AKAP19: variants seen among roughly 807,000 people sequenced by gnomAD.
The protein encoded by AKAP19 is A-kinase anchoring protein 19, also known as small A-kinase anchoring protein.
At chr2:190,106,177 T>C in the AKAP19 span, among the ~76,000 whole-genome samples, 4 of 152,354 alleles carry the variant, frequency 2.6e-5, no homozygotes, top group African/African-American at 9.6e-5. Flanking sequence ...TACATCAACA[T>C]AGGATTTAAC....
At chr2:190,175,858 A>G in the AKAP19 span, among the ~76,000 whole-genome samples, 1 of 152,228 alleles carries the variant, frequency 6.6e-6, no homozygotes, top group African/African-American at 2.4e-5. Context: ...CCGATGTGAT[A>G]GGATTAAGAG....
the AKAP19 span, among the ~76,000 whole-genome samples, chr2:189,911,124 G>C: frequency 6.6e-6 from 1 of 152,030 alleles, no homozygotes; most frequent in Non-Finnish European, 1.5e-5. Flanking sequence ...AGACTACTTA[G>C]GCTTACTACT....
At chr2:189,964,596 T>C in the AKAP19 span, among the ~76,000 whole-genome samples, 10 of 152,236 alleles carry the variant, frequency 6.6e-5, no homozygotes, top group Admixed American at 1.3e-4. Context: ...TCAATGATCT[T>C]AGCTAGATCT....
the AKAP19 span, among the ~76,000 whole-genome samples, chr2:189,992,977 C>A: frequency 6.6e-6 from 1 of 152,176 alleles, no homozygotes; most frequent in African/African-American, 2.4e-5. Flanking sequence ...GACAGTTTGA[C>A]TTCTTCTTTA....
At chr2:190,164,316 C>G in the AKAP19 span, among the ~76,000 whole-genome samples, 1 of 152,186 alleles carries the variant, frequency 6.6e-6, no homozygotes, top group Admixed American at 6.5e-5. Flanking sequence ...GGGCGGATCA[C>G]TTGAGCTCAG....
At chr2:189,954,300 G>C in the AKAP19 span, among the ~76,000 whole-genome samples, 2 of 152,272 alleles carry the variant, frequency 1.3e-5, no homozygotes, top group African/African-American at 4.8e-5. Context: ...TGATAAATTT[G>C]CATATGTACA....
At chr2:190,015,569 A>G in the AKAP19 span, among the ~76,000 whole-genome samples, 2 of 152,202 alleles carry the variant, frequency 1.3e-5, no homozygotes, top group Non-Finnish European at 1.5e-5. Context: ...CATTTTCTCC[A>G]TCATCTTGGC....
chr2:189,886,496 C>G, the AKAP19 span, among the ~76,000 whole-genome samples: 5 of 152,216 alleles, frequency 3.3e-5, no homozygotes, highest in Non-Finnish European at 5.9e-5. Flanking sequence ...AGACACAGAG[C>G]AATTCAAAAT....
the AKAP19 span, among the ~76,000 whole-genome samples, chr2:189,944,310 C>G: frequency 6.6e-6 from 1 of 152,054 alleles, no homozygotes; most frequent in African/African-American, 2.4e-5. Context: ...TGTTCCTGCT[C>G]CTACTCTCTC....
the AKAP19 span, among the ~76,000 whole-genome samples, chr2:190,144,168 T>C: frequency 1.1e-4 from 10 of 91,132 alleles, no homozygotes; most frequent in South Asian, 2.0e-3. Flanking sequence ...ACTTAAAGTA[T>C]AATAAAAGAA....
chr2:190,079,204 C>A, the AKAP19 span: 1 of 152,160 alleles, frequency 6.6e-6, no homozygotes, highest in African/African-American at 2.4e-5. Context: ...CCCTCCCCAC[C>A]CAATCTTCTC....
chr2:190,142,633 A>G, the AKAP19 span, among the ~76,000 whole-genome samples: 1 of 152,170 alleles, frequency 6.6e-6, no homozygotes, highest in African/African-American at 2.4e-5. Flanking sequence ...AGTGGTAAGA[A>G]ATGAGGATGA....
the AKAP19 span, among the ~76,000 whole-genome samples, chr2:190,174,205 G>A: frequency 2.0e-5 from 3 of 152,246 alleles, no homozygotes; most frequent in South Asian, 2.1e-4. Flanking sequence ...GTGTGCTCTC[G>A]CCATTGCTCC....
the AKAP19 span, among the ~76,000 whole-genome samples, chr2:190,096,676 A>G: frequency 6.6e-6 from 1 of 152,178 alleles, no homozygotes; most frequent in Non-Finnish European, 1.5e-5. Flanking sequence ...GTATGCTACT[A>G]TTACAAAATA....
chr2:189,929,055 GA>G, the AKAP19 span, among the ~76,000 whole-genome samples: 7 of 152,138 alleles, frequency 4.6e-5, no homozygotes, highest in Non-Finnish European at 8.8e-5. Context: ...AAAAAATGGA[GA>G]AATTCCTTCT....
At chr2:190,146,735 C>T in the AKAP19 span, among the ~76,000 whole-genome samples, 1 of 152,178 alleles carries the variant, frequency 6.6e-6, no homozygotes, top group South Asian at 2.1e-4. Flanking sequence ...TTTTGATTTG[C>T]ATTTCCCTGA....
chr2:190,070,446 TAA>T, the AKAP19 span, among the ~76,000 whole-genome samples: 3,700 of 142,530 alleles, frequency 0.026, 156 homozygotes, highest in East Asian at 0.18. Context: ...ACTTATAGTT[TAA>T]AAAAAAAAAA....
chr2:189,940,622 TGAG>T, the AKAP19 span, among the ~76,000 whole-genome samples: 2,195 of 151,804 alleles, frequency 0.014, 53 homozygotes, highest in African/African-American at 0.05. Context: ...TTCCAAAACT[TGAG>T]GAGATAAATA....
chr2:189,936,259 T>TACACAC, the AKAP19 span, among the ~76,000 whole-genome samples: 340 of 149,032 alleles, frequency 2.3e-3, 4 homozygotes, highest in African/African-American at 5.9e-3. Flanking sequence ...GACTTGTTGA[T>TACACAC]ACACACACAC....
Sources: gnomAD v4.1 joint callset for allele counts (sites outside exome capture counted in the v4.1 genomes callset) on GRCh38, gnomAD v4.1.1 for gene constraint, MANE v1.5 for transcripts, NCBI Gene and HGNC (gene_info 2026-07-23, HGNC 2026-07-21) for gene names.